The following SLCO3A1 variants were observed in gnomAD, a reference collection of about 807,000 sequenced individuals.
SLCO3A1 encodes PGE1 transporter.
SLCO3A1 carries 27 observed loss-of-function variants against 63.1 expected under a neutral mutation model. That is an observed-to-expected ratio of 0.43 (90% CI 0.32 to 0.59). The LOEUF (loss-of-function observed/expected upper bound fraction) is 0.59, where lower values mean the gene tolerates loss of function less well. SLCO3A1 is among the 20% of genes least tolerant of loss of function. The pLI, the probability that SLCO3A1 is intolerant of heterozygous loss-of-function variation, is 0.09. For synonymous variants in SLCO3A1, 473 were observed against 409.9 expected, an observed-to-expected ratio of 1.15 and a Z score of -1.86; for missense variants, 773 against 945.8, an observed-to-expected ratio of 0.82 and a Z score of 2.40.
chr15:92,027,982 A>G (rs1373805929), intron 2 of SLCO3A1, among the ~76,000 whole-genome samples: 1 of 152,232 alleles, frequency 6.6e-6, no homozygotes, highest in Non-Finnish European at 1.5e-5. Flanking sequence ...CTCTGATCAC[A>G]GCGTTCGGCT....
At position 92,049,179 on chromosome 15, in the gene SLCO3A1, C is replaced by T. The variant is rs148182686; in HGVS notation, c.647-45702C>T. Reference sequence around the variant, plus strand: ...ACAGTTGGATAGTTTACAGGCAGGTCGTGCCTGCATCTTTCTGCACAGTGG... The same window carrying T: ...ACAGTTGGATAGTTTACAGGCAGGTTGTGCCTGCATCTTTCTGCACAGTGG... On this transcript the variant is annotated intron_variant, in intron 2 of 9. Coordinates refer to ENST00000318445, the MANE Select transcript of SLCO3A1 (RefSeq NM_013272.4). Among the ~76,000 whole-genome samples the T allele has an allele frequency of 8.8e-3, 1,339 of 152,188 alleles. 22 individuals carry two copies. The highest frequency in any genetic ancestry group is 0.031 in the African/African-American group (1,274 of 41,512).
At chr15:92,144,037 G>A (rs1432185422) in intron 7 of SLCO3A1, among the ~76,000 whole-genome samples, 1 of 152,242 alleles carries the variant, frequency 6.6e-6, no homozygotes, top group African/African-American at 2.4e-5. Context: ...CAAGTCGGGA[G>A]TGCTGGGACA....
At chr15:91,889,754 C>G (rs1034264327) in intron 1 of SLCO3A1, among the ~76,000 whole-genome samples, 1 of 152,220 alleles carries the variant, frequency 6.6e-6, no homozygotes, top group Non-Finnish European at 1.5e-5. Flanking sequence ...GAATTTTGCT[C>G]TTTTTCCATA....
chr15:91,877,651 G>A (rs1897433527), intron 1 of SLCO3A1, among the ~76,000 whole-genome samples: 1 of 152,134 alleles, frequency 6.6e-6, no homozygotes, highest in South Asian at 2.1e-4. Context: ...CCTTTGGGAA[G>A]GGGAAGGAGG....
rs149552712 is a variant in SLCO3A1 at position 92,171,922 on chromosome 15, G to A, written c.*60G>A. 6.2e-4 allele frequency: 809 copies of A among 1,312,966 alleles called. 10 individuals are homozygous for A. In the East Asian group the frequency reaches 9.9e-3, roughly 16 times the overall value. The allele number at this position is 1,312,966 out of a possible 1,614,324, so 81.3% of individuals were successfully genotyped here. A position where few individuals can be genotyped will look rare whatever the true frequency, so the allele number is the denominator to read the frequency against. On this transcript the variant is annotated 3_prime_UTR_variant, in exon 11 of 11. Transcript: ENST00000424469. ...GCCCACCACCACCCACAGACCTCGC[G>A]GGCCTCACTTAGCGCGCTCCTCCCT...
At chr15:91,901,949 T>C (rs116737572) in intron 1 of SLCO3A1, among the ~76,000 whole-genome samples, 1,633 of 152,212 alleles carry the variant, frequency 0.011, 29 homozygotes, top group African/African-American at 0.038. Context: ...GGGACTCTAT[T>C]GCATGTATAT....
chr15:92,167,159 C>A (rs1435412175), downstream of SLCO3A1, among the ~76,000 whole-genome samples: 1 of 152,250 alleles, frequency 6.6e-6, no homozygotes, highest in Non-Finnish European at 1.5e-5. Context: ...ATGGAGAATA[C>A]TTCCCGCTGC....
chr15:91,985,690 T>C (rs1335281305), intron 2 of SLCO3A1, among the ~76,000 whole-genome samples: 9 of 152,162 alleles, frequency 5.9e-5, no homozygotes, highest in Non-Finnish European at 1.2e-4. Context: ...CCTCAGGCCC[T>C]GTGTCACAGA....
rs2048242123 is a variant in SLCO3A1, at chr15:92,147,420, A to G, written c.1688+261A>G. On this transcript the variant is annotated intron_variant, in intron 8 of 9. Coordinates refer to ENST00000318445, the MANE Select transcript of SLCO3A1 (RefSeq NM_013272.4). ...AATAGAGCCTGCAGGCAGTTTTGAA[A>G]AGGATCCTGCATTGAGCCTTACAGG... is the stretch of plus-strand genomic sequence containing the variant. Among the ~76,000 whole-genome samples the G allele has an allele frequency of 2.0e-5, 3 of 152,164 alleles. No homozygotes were observed. In the South Asian group the frequency reaches 6.2e-4, roughly 32 times the overall value.
intron 5 of SLCO3A1, among the ~76,000 whole-genome samples, chr15:92,125,266 G>A (rs2047907358): frequency 6.6e-6 from 1 of 152,132 alleles, no homozygotes. Flanking sequence ...ATGACACGTA[G>A]CAATTGAAAG....
chr15:92,036,076 C>A (rs1368860472), intron 2 of SLCO3A1, among the ~76,000 whole-genome samples: 1 of 152,182 alleles, frequency 6.6e-6, no homozygotes, highest in Non-Finnish European at 1.5e-5. Flanking sequence ...AGCCACTCTC[C>A]AACTGCAGAA....
intron 2 of SLCO3A1, among the ~76,000 whole-genome samples, chr15:91,919,158 C>T (rs1488075093): frequency 3.3e-5 from 5 of 152,204 alleles, no homozygotes; most frequent in Admixed American, 2.6e-4. Flanking sequence ...GTTTGTACAT[C>T]GGTGGCCGTG....
In SLCO3A1 at chr15:91,853,922, A is replaced by G; in HGVS notation, c.14A>G (p.Lys5Arg). The G allele has an allele frequency of 6.9e-7, 1 of 1,445,048 alleles. No homozygotes were observed. Among genetic ancestry groups the G allele is most frequent in the Non-Finnish European group, 9.2e-7 (1 of 1,090,192 alleles). 89.5% of individuals were successfully genotyped at this position (1,445,048 alleles called of 1,614,324 possible). MQGK[K>R]PGGSSGGGRS... ...GGCGGGGGAAGGATGCAGGGGAAGA[A>G]GCCGGGCGGTTCGTCGGGCGGCGGC... The change falls in exon 1 of 10, where the codon AAG (lysine) becomes AGG (arginine). Residue 5 changes from lysine to arginine, a missense_variant. Transcript: ENST00000318445.
At position 91,853,950 on chromosome 15, in the gene SLCO3A1, G is replaced by T. The variant is rs1393846590; in HGVS notation, c.42G>T (p.Arg14=). The T allele has an allele frequency of 5.4e-6, 8 of 1,474,504 alleles. No individual in the cohort carries two copies. The Admixed American group carries it at 1.2e-4, about 21-fold the overall frequency. The allele number at this position is 1,474,504 out of a possible 1,614,324, so 91.3% of individuals were successfully genotyped here. A position where few individuals can be genotyped will look rare whatever the true frequency, so the allele number is the denominator to read the frequency against. The change falls in exon 1 of 10, where the codon CGG becomes CGT. Residue 14 remains arginine (R), a synonymous_variant. Coordinates refer to ENST00000318445, the MANE Select transcript of SLCO3A1 (RefSeq NM_013272.4). ...CGGGCGGTTCGTCGGGCGGCGGCCG[G>T]AGCGGCGAGCTGCAGGGGGACGAGG... ...KKPGGSSGGG[R]SGELQGDEAQ...
intron 2 of SLCO3A1, among the ~76,000 whole-genome samples, chr15:92,056,010 TAAAA>T (rs779166807): frequency 6.6e-6 from 1 of 152,170 alleles, no homozygotes; most frequent in Non-Finnish European, 1.5e-5. Context: ...TGTCAGTCTT[TAAAA>T]ACTAAGCAGT....
intron 1 of SLCO3A1, among the ~76,000 whole-genome samples, chr15:91,861,484 A>G (rs765929852): frequency 1.6e-4 from 23 of 144,058 alleles, no homozygotes; most frequent in Non-Finnish European, 3.2e-4. Flanking sequence ...GTTATTTCCC[A>G]TATGACTGGG....
intron 2 of SLCO3A1, among the ~76,000 whole-genome samples, chr15:92,081,660 A>G (rs2047348290): frequency 6.6e-6 from 1 of 152,086 alleles, no homozygotes; most frequent in African/African-American, 2.4e-5. Flanking sequence ...GAGCCACTGC[A>G]CCCAGCCCAC....
intron 2 of SLCO3A1, among the ~76,000 whole-genome samples, chr15:92,031,015 TGAGGGAGGGAGGGAGG>T (rs57656534): frequency 1.9e-4 from 20 of 103,042 alleles, no homozygotes; most frequent in Non-Finnish European, 3.8e-4. Flanking sequence ...CTGTACCCTG[TGAGGGAGGGAGGGAGG>T]GAGGGAGGGA....
At chr15:92,070,752 G>A (rs776444557) in intron 2 of SLCO3A1, among the ~76,000 whole-genome samples, 1 of 152,038 alleles carries the variant, frequency 6.6e-6, no homozygotes, top group Non-Finnish European at 1.5e-5. Flanking sequence ...CCCTGACTGT[G>A]AGTTGATGAT....
Sources: allele counts gnomAD v4.1 joint callset (sites outside exome capture counted in the v4.1 genomes callset), GRCh38; gene constraint gnomAD v4.1.1; transcripts MANE v1.5; gene names NCBI Gene and HGNC (gene_info 2026-07-23, HGNC 2026-07-21).